The following NCOR1 variants were observed in gnomAD, a reference collection of about 807,000 sequenced individuals.
NCOR1 encodes the protein protein phosphatase 1, regulatory subunit 109.
Under a neutral mutation model 288.1 loss-of-function variants are expected in NCOR1, and 63 were observed. The ratio of observed to expected loss-of-function variants is 0.22; its 90% CI spans 0.18 to 0.27. The LOEUF (loss-of-function observed/expected upper bound fraction) is 0.27. NCOR1 is among the 10% of genes least tolerant of loss of function. NCOR1 has a pLI of 1.00. For synonymous variants in NCOR1, 1,007 were observed against 1,065.9 expected, an observed-to-expected ratio of 0.94 and a Z score of 1.08; for missense variants, 2,397 against 3,019.2, an observed-to-expected ratio of 0.79 and a Z score of 4.83.
chr17:16,067,595 C>T (rs772722352), intron 32 of NCOR1, among the ~76,000 whole-genome samples: 2 of 152,184 alleles, frequency 1.3e-5, no homozygotes, highest in African/African-American at 4.8e-5. Context: ...TTAGGTATGC[C>T]TCTGTCATTT....
rs762195093 is a variant in NCOR1 at position 16,067,905 on chromosome 17, G to C, written c.4730C>G (p.Ala1577Gly). Residue 1577 changes from alanine to glycine, a missense_variant, in exon 32 of 46, where the codon GCT (alanine) becomes GGT (glycine). Ala to Gly is a moderately conservative substitution (Grantham distance 60, BLOSUM62 0). Coordinates refer to ENST00000268712, the MANE Select transcript of NCOR1 (RefSeq NM_006311.4). ...TATTTTGTGTTTACCAGGATCCAAA[G>C]CCCTGTGAAAAGGCATGGCTGGATC... ...HLDPAMPFHRALDPAAAAYLF... is the reference protein window; with the variant it reads ...HLDPAMPFHRGLDPAAAAYLF... The C allele has an allele frequency of 3.7e-6, 6 of 1,613,432 alleles. No homozygotes were observed. In the South Asian group the frequency reaches 6.6e-5, roughly 18 times the overall value.
chr17:16,127,376 T>C (rs1297753656), intron 14 of NCOR1, among the ~76,000 whole-genome samples: 1 of 133,540 alleles, frequency 7.5e-6, no homozygotes, highest in Non-Finnish European at 1.6e-5. Context: ...CATGTATGTA[T>C]ATATGTATGT....
Position 16,139,160 on chromosome 17 carries a change from G to A in NCOR1, c.1200C>T (p.Leu400=). ...QENNEKQMRQ[L]SVIPPMMFDA... ...CAAACATCATAGGTGGAATCACAGAGAGCTGCCGCATTTGTTTCTCATTAT... is the reference window on the plus strand; with the variant it reads ...CAAACATCATAGGTGGAATCACAGAAAGCTGCCGCATTTGTTTCTCATTAT... The change falls in exon 12 of 46, where the codon CTC becomes CTT. Residue 400 remains leucine (L), a synonymous_variant. Coordinates refer to ENST00000268712, the MANE Select transcript of NCOR1 (RefSeq NM_006311.4). 1.2e-6 allele frequency: 2 copies of A among 1,609,978 alleles called. No homozygotes were observed. Among genetic ancestry groups the A allele is most frequent in the Non-Finnish European group, 1.7e-6 (2 of 1,179,006 alleles).
Position 16,049,189 on chromosome 17 carries a change from T to G in NCOR1, c.6393-201A>C, listed in dbSNP as rs148002056. ...ACAACAAAAAAAACCACTGTGTTACTGCCACTTGACCCATGCGCGCCCCGT... is the reference window on the plus strand; with the variant it reads ...ACAACAAAAAAAACCACTGTGTTACGGCCACTTGACCCATGCGCGCCCCGT... On this transcript the variant is annotated intron_variant, in intron 40 of 45. Coordinates refer to ENST00000268712, the MANE Select transcript of NCOR1 (RefSeq NM_006311.4). 4.3e-3 allele frequency: 1,837 copies of G among 425,950 alleles called. 9 individuals carry two copies. The highest frequency in any genetic ancestry group is 6.4e-3 in the Admixed American group (153 of 23,846). The allele number at this position is 425,950 out of a possible 1,614,324, so 26.4% of individuals were successfully genotyped here.
chr17:16,142,432 G>T (rs2077288294), intron 11 of NCOR1, among the ~76,000 whole-genome samples: 1 of 151,972 alleles, frequency 6.6e-6, no homozygotes, highest in African/African-American at 2.4e-5. Flanking sequence ...TTGAGATGAG[G>T]TTTAAGAAAA....
intron 3 of NCOR1, among the ~76,000 whole-genome samples, chr17:16,173,582 C>T (rs2153473126): frequency 6.6e-6 from 1 of 151,684 alleles, no homozygotes; most frequent in Admixed American, 6.6e-5. Flanking sequence ...ACACACAAAA[C>T]TCAGTTGTAT....
chr17:16,098,357 A>G lies in NCOR1; in HGVS notation c.2820+10T>C. 1 of 1,612,460 alleles carries G rather than the reference A, an allele frequency of 6.2e-7. No individual in the cohort carries two copies. Among genetic ancestry groups the G allele is most frequent in the South Asian group, 1.1e-5 (1 of 90,340 alleles). The stretch of plus-strand genomic sequence containing the variant: ...CATATTTAGTTTTCTTCCTCACAAT[A>G]AAAACTTACCATTGGTGGGATAACA... On this transcript the variant is annotated intron_variant, in intron 21 of 45. Transcript: ENST00000268712.
chr17:16,215,509 C>G lies in NCOR1; in HGVS notation c.-218G>C, dbSNP rs564786623. 2.5e-6 allele frequency: 1 copy of G among 398,758 alleles called. No individual in the cohort carries two copies. Among genetic ancestry groups the G allele is most frequent in the Non-Finnish European group, 4.4e-6 (1 of 226,362 alleles). 24.7% of individuals were successfully genotyped at this position (398,758 alleles called of 1,614,324 possible). A position where few individuals can be genotyped will look rare whatever the true frequency, so the allele number is the denominator to read the frequency against. ...GCCGCCGCCGCCGCGGCTGCTGCTTCGCCACCTTGGCCGCCATCTTGACTC... is the reference window on the plus strand; with the variant it reads ...GCCGCCGCCGCCGCGGCTGCTGCTTGGCCACCTTGGCCGCCATCTTGACTC... On this transcript the variant is annotated 5_prime_UTR_variant, in exon 1 of 46. Transcript: ENST00000268712.
chr17:16,048,790 T>G, intron 41 of NCOR1, 55 bp downstream of exon 41: 1 of 1,465,428 alleles, frequency 6.8e-7, no homozygotes, highest in Non-Finnish European at 9.1e-7. Flanking sequence ...AAGGAAATGT[T>G]AAAGCATGAG....
intron 22 of NCOR1, 26 bp downstream of exon 22, chr17:16,091,837 T>C (rs770901829): frequency 3.1e-6 from 5 of 1,613,472 alleles, no homozygotes; most frequent in Non-Finnish European, 4.2e-6. Context: ...ATAAAAGTTC[T>C]CTTGGTGATA....
chr17:16,157,347 A>T (rs1319364232), intron 6 of NCOR1, among the ~76,000 whole-genome samples: 1 of 152,150 alleles, frequency 6.6e-6, no homozygotes, highest in Non-Finnish European at 1.5e-5. Flanking sequence ...TTAATTGCCC[A>T]TATTTTTACC....
intron 21 of NCOR1, among the ~76,000 whole-genome samples, chr17:16,095,177 C>A (rs903391489): frequency 6.6e-6 from 1 of 151,610 alleles, no homozygotes. Context: ...TCTGCCCGGC[C>A]GCCCATCGTC....
intron 10 of NCOR1, among the ~76,000 whole-genome samples, chr17:16,144,991 G>A (rs970087300): frequency 1.9e-4 from 29 of 152,270 alleles, no homozygotes; most frequent in African/African-American, 6.5e-4. Context: ...CATGATCTCC[G>A]CTTGCTGCAA....
In NCOR1 at chr17:16,091,907, G is replaced by C. The variant is rs1398358119; in HGVS notation, c.2972C>G (p.Thr991Arg). ...ACTCTTGGATGTGCCACATGGACTT[G>C]TAGAACTTCTACATTCCAAATCTAT... ...EQIDLECRSS[T>R]SPCGTSKSPN... Residue 991 changes from threonine (T) to arginine (R), a missense_variant, in exon 22 of 46, where the codon ACA (threonine) becomes AGA (arginine). By Grantham distance (71) the Thr-to-Arg change is moderately conservative. Around this residue, in one of 11 missense-constraint regions of NCOR1, gnomAD observed 1,872 missense variants for 2,187.8 expected, o/e 0.86. Coordinates refer to ENST00000268712, the MANE Select transcript of NCOR1 (RefSeq NM_006311.4). The C allele has an allele frequency of 6.2e-7, 1 of 1,614,112 alleles. No homozygotes were observed. Among genetic ancestry groups the C allele is most frequent in the Admixed American group, 1.7e-5 (1 of 60,018 alleles).
At chr17:16,177,102 C>A (rs528384227) in intron 3 of NCOR1, among the ~76,000 whole-genome samples, 9 of 152,084 alleles carry the variant, frequency 5.9e-5, no homozygotes, top group African/African-American at 1.9e-4. Context: ...CTAATTATAT[C>A]AAGACTTTGT....
intron 26 of NCOR1, among the ~76,000 whole-genome samples, 188 bp downstream of exon 26, chr17:16,079,775 TA>T (rs2063114011): frequency 6.6e-6 from 1 of 152,240 alleles, no homozygotes; most frequent in Non-Finnish European, 1.5e-5. Context: ...AAAGTATTCA[TA>T]ATATAGCTTG....
chr17:16,075,234 C>A (rs2152766205), intron 27 of NCOR1, among the ~76,000 whole-genome samples: 1 of 152,272 alleles, frequency 6.6e-6, no homozygotes, highest in African/African-American at 2.4e-5. Context: ...TAAAAGTATT[C>A]CATTAAAGTT....
Position 16,030,226 on chromosome 17 carries a change from A to C in NCOR1, c.*2070T>G. 4.4e-6 allele frequency: 1 copy of C among 228,434 alleles called. No homozygotes were observed. Among genetic ancestry groups the C allele is most frequent in the Non-Finnish European group, 8.6e-6 (1 of 116,358 alleles). 14.2% of individuals were successfully genotyped at this position (228,434 alleles called of 1,614,324 possible). A position where few individuals can be genotyped will look rare whatever the true frequency, so the allele number is the denominator to read the frequency against. On this transcript the variant is annotated 3_prime_UTR_variant, in exon 46 of 46. Coordinates refer to ENST00000268712, the MANE Select transcript of NCOR1 (RefSeq NM_006311.4). ...ATTCATTAAGTGGAAGTGGATCATCATGAAGGTCTTCATCCTTGTCATCTT... is the reference window on the plus strand; with the variant it reads ...ATTCATTAAGTGGAAGTGGATCATCCTGAAGGTCTTCATCCTTGTCATCTT...
intron 41 of NCOR1, 49 bp downstream of exon 41, chr17:16,048,796 A>G: frequency 6.6e-7 from 1 of 1,511,240 alleles, no homozygotes; most frequent in Non-Finnish European, 8.9e-7. Flanking sequence ...ATGTTAAAGC[A>G]TGAGCACCCA....
Sources: allele counts gnomAD v4.1 joint callset (sites outside exome capture counted in the v4.1 genomes callset), GRCh38; gene constraint gnomAD v4.1.1; regional missense constraint gnomAD v4.1.1; transcripts MANE v1.5; gene names NCBI Gene and HGNC (gene_info 2026-07-23, HGNC 2026-07-21).